Variants in RAB27B observed in about 807,000 individuals in gnomAD.
The protein encoded by RAB27B is RAB27B, member RAS oncogene family, also known as ras-related protein Rab-27B.
Under a neutral mutation model 24.6 loss-of-function variants are expected in RAB27B, and 15 were observed. The observed-to-expected ratio is 0.61, with a 90% CI of 0.41 to 0.94. The LOEUF is 0.94. RAB27B is among the 40% of genes least tolerant of loss of function. The pLI is 0.00. For missense variants in RAB27B, 261 were observed against 266.8 expected, an observed-to-expected ratio of 0.98 and a Z score of 0.15; for synonymous variants, 105 against 92.5, an observed-to-expected ratio of 1.14 and a Z score of -0.78.
At chr18:54,858,659 C>T (rs996801291) in intron 1 of RAB27B, among the ~76,000 whole-genome samples, 17 of 152,222 alleles carry the variant, frequency 1.1e-4, no homozygotes, top group African/African-American at 3.1e-4. Context: ...GGATTACAGG[C>T]GTGAGCCACT....
At chr18:54,855,441 A>T (rs1911744588) in intron 1 of RAB27B, among the ~76,000 whole-genome samples, 1 of 152,172 alleles carries the variant, frequency 6.6e-6, no homozygotes, top group Non-Finnish European at 1.5e-5. Context: ...TATATAATAT[A>T]TATCATCAAA....
chr18:54,729,534 T>C (rs750268029), intron 2 of RAB27B, among the ~76,000 whole-genome samples: 1 of 152,218 alleles, frequency 6.6e-6, no homozygotes, highest in Admixed American at 6.5e-5. Flanking sequence ...GTTTGATTTA[T>C]AGCATTCTAA....
intron 2 of RAB27B, among the ~76,000 whole-genome samples, chr18:54,759,931 C>A (rs1908129970): frequency 6.6e-6 from 1 of 152,212 alleles, no homozygotes; most frequent in Non-Finnish European, 1.5e-5. Flanking sequence ...GCAATAAAAT[C>A]CTCTGCATTT....
intron 2 of RAB27B, among the ~76,000 whole-genome samples, chr18:54,807,046 G>C (rs1467410088): frequency 6.6e-6 from 1 of 152,036 alleles, no homozygotes; most frequent in Non-Finnish European, 1.5e-5. Flanking sequence ...GACTACAGGT[G>C]CACGCCACCA....
At chr18:54,741,644 C>T (rs963145235) in intron 2 of RAB27B, among the ~76,000 whole-genome samples, 12 of 152,068 alleles carry the variant, frequency 7.9e-5, no homozygotes, top group African/African-American at 2.9e-4. Context: ...CAGGCATGCA[C>T]CACCATGCCC....
chr18:54,869,227 T>C (rs906723168), intron 1 of RAB27B, among the ~76,000 whole-genome samples: 1 of 152,222 alleles, frequency 6.6e-6, no homozygotes, highest in Non-Finnish European at 1.5e-5. Flanking sequence ...GGGATCAAAA[T>C]AGCTTTGTGC....
Position 54,722,777 on chromosome 18 carries a change from G to C in RAB27B, c.-20+4636G>C, listed in dbSNP as rs139741880. Among the ~76,000 whole-genome samples, 715 of 152,226 alleles carry C rather than the reference G, an allele frequency of 4.7e-3. 5 individuals are homozygous for C. The highest frequency in any genetic ancestry group is 0.016 in the African/African-American group (670 of 41,560). On this transcript the variant is annotated intron_variant, in intron 2 of 4. Transcript: ENST00000586570. ...CAACTGCTATACATTTTTTTAAGTA[G>C]AAAATTGCTATGGTGTGATTTTAAG...
intron 2 of RAB27B, among the ~76,000 whole-genome samples, chr18:54,728,878 AAAAAAAAAAAAAAAAAAAAAAACCC>A (rs1312268185): frequency 1.8e-4 from 16 of 87,438 alleles, no homozygotes; most frequent in East Asian, 5.5e-4. Context: ...TCTGTCTCAA[AAAAAAAAAAAAAAAAAAAAAAACCC>A]AAAAAAAAAA....
chr18:54,718,560 A>G (rs1909261688), intron 2 of RAB27B, among the ~76,000 whole-genome samples: 2 of 152,200 alleles, frequency 1.3e-5, no homozygotes, highest in South Asian at 2.1e-4. Context: ...CCAGAAAGCT[A>G]TTAAGTCATT....
chr18:54,778,551 G>A (rs1487032428), intron 2 of RAB27B, among the ~76,000 whole-genome samples: 1 of 152,170 alleles, frequency 6.6e-6, no homozygotes, highest in Admixed American at 6.5e-5. Flanking sequence ...TCTGCTTTGT[G>A]CCAGACAATT....
In RAB27B at chr18:54,885,475, A is replaced by G. The variant is rs186535218; in HGVS notation, c.343+1039A>G. Among the ~76,000 whole-genome samples the G allele has an allele frequency of 2.2e-3, 338 of 152,224 alleles. 3 individuals are homozygous for G. Among genetic ancestry groups the G allele is most frequent in the Non-Finnish European group, 1.8e-3 (121 of 68,002 alleles). On this transcript the variant is annotated intron_variant, in intron 4 of 5. Coordinates refer to ENST00000262094, the MANE Select transcript of RAB27B (RefSeq NM_004163.4). ...CTAGCCTTCAGCCAAACTGCCTCACATGCTATTCCCAGTATGAAAATCTTG... is the reference window on the plus strand; with the variant it reads ...CTAGCCTTCAGCCAAACTGCCTCACGTGCTATTCCCAGTATGAAAATCTTG...
intron 2 of RAB27B, among the ~76,000 whole-genome samples, chr18:54,719,848 C>G (rs940389520): frequency 6.6e-6 from 1 of 151,934 alleles, no homozygotes; most frequent in Non-Finnish European, 1.5e-5. Context: ...TTGAAAATTC[C>G]TACCCATCAT....
At chr18:54,870,953 T>C (rs1345443402) in intron 1 of RAB27B, among the ~76,000 whole-genome samples, 2 of 152,192 alleles carry the variant, frequency 1.3e-5, no homozygotes, top group East Asian at 1.9e-4. Context: ...CTCTCAAATT[T>C]AGTATATGTT....
intron 3 of RAB27B, chr18:54,880,258 G>A (rs139892681): frequency 3.3e-5 from 5 of 152,080 alleles, no homozygotes; most frequent in African/African-American, 7.2e-5. Context: ...GCTAATACTC[G>A]GTAGACAGTA....
chr18:54,748,448 T>A (rs1910324779), intron 2 of RAB27B, among the ~76,000 whole-genome samples: 1 of 152,202 alleles, frequency 6.6e-6, no homozygotes, highest in African/African-American at 2.4e-5. Flanking sequence ...TCACTCAAGT[T>A]TACATTGATT....
intron 1 of RAB27B, among the ~76,000 whole-genome samples, chr18:54,836,874 A>G (rs754594359): frequency 6.6e-6 from 1 of 152,172 alleles, no homozygotes; most frequent in Non-Finnish European, 1.5e-5. Context: ...GGACATTATA[A>G]ACATTAGGAA....
At chr18:54,798,685 A>G (rs111856254) in intron 2 of RAB27B, among the ~76,000 whole-genome samples, 1 of 152,366 alleles carries the variant, frequency 6.6e-6, no homozygotes, top group African/African-American at 2.4e-5. Flanking sequence ...CTTAATATGA[A>G]GATGATAGGA....
At chr18:54,840,726 C>G (rs1004242740) in intron 1 of RAB27B, among the ~76,000 whole-genome samples, 2 of 152,182 alleles carry the variant, frequency 1.3e-5, no homozygotes, top group African/African-American at 2.4e-5. Context: ...TGTAGAGTTT[C>G]TAAGTCCATC....
At chr18:54,818,591 C>T (rs1380306165) in intron 2 of RAB27B, among the ~76,000 whole-genome samples, 2 of 152,074 alleles carry the variant, frequency 1.3e-5, no homozygotes, top group Non-Finnish European at 2.9e-5. Context: ...AGTATGCCTC[C>T]ACTGGAAGTA....
Sources: gnomAD v4.1 joint callset for allele counts (sites outside exome capture counted in the v4.1 genomes callset) on GRCh38, gnomAD v4.1.1 for gene constraint, MANE v1.5 for transcripts, NCBI Gene and HGNC (gene_info 2026-07-23, HGNC 2026-07-21) for gene names.